Variants in GRIK3 observed in about 807,000 individuals in gnomAD.
GRIK3 encodes the protein glutamate receptor ionotropic, kainate 3.
In GRIK3, 29 loss-of-function variants were observed where a neutral mutation model predicts 102.5. The observed-to-expected ratio is 0.28, with a 90% CI of 0.21 to 0.39. GRIK3 has a LOEUF of 0.39. Among genes scored for constraint, GRIK3 ranks in the 10% least tolerant of loss-of-function variants. The probability of loss-of-function intolerance (pLI) is 1.00; values close to 1 mark genes in which losing one functional copy is unlikely to be tolerated. For missense variants in GRIK3, 908 were observed against 1,252.4 expected (o/e 0.73, Z 4.15); for synonymous variants, 511 against 504.9 (o/e 1.01, Z -0.16).
intron 11 of GRIK3, among the ~76,000 whole-genome samples, chr1:36,821,454 GC>G (rs1204198313): frequency 6.6e-6 from 1 of 152,236 alleles, no homozygotes; most frequent in African/African-American, 2.4e-5. Context: ...GCAGCTCAGT[GC>G]CTGGCTCTGT....
At chr1:36,825,463 C>T (rs192133622) in intron 11 of GRIK3, 140 bp downstream of exon 11, 2 of 538,120 alleles carry the variant, frequency 3.7e-6, no homozygotes, top group African/African-American at 3.9e-5. Flanking sequence ...GGAATCTGAG[C>T]CATAGGGAGT....
intron 13 of GRIK3, among the ~76,000 whole-genome samples, chr1:36,816,560 C>G (rs1191303912): frequency 6.6e-6 from 1 of 152,178 alleles, no homozygotes; most frequent in Non-Finnish European, 1.5e-5. Context: ...ACCAGCATTC[C>G]TAGAGTGTAA....
intron 1 of GRIK3, among the ~76,000 whole-genome samples, chr1:36,986,889 C>G (rs1642312708): frequency 6.6e-6 from 1 of 152,196 alleles, no homozygotes; most frequent in Admixed American, 6.5e-5. Flanking sequence ...AAATTCTCCC[C>G]AGCCACTGAG....
chr1:36,907,140 G>A (rs556077815), intron 1 of GRIK3, among the ~76,000 whole-genome samples: 84 of 152,270 alleles, frequency 5.5e-4, no homozygotes, highest in Non-Finnish European at 8.5e-4. Context: ...GGTGGGCAGC[G>A]TTTATTTCAG....
At chr1:36,870,131 GA>G (rs1436121167) in intron 4 of GRIK3, among the ~76,000 whole-genome samples, 1 of 152,234 alleles carries the variant, frequency 6.6e-6, no homozygotes, top group East Asian at 1.9e-4. Flanking sequence ...CACACTTAGA[GA>G]AATGCTGATG....
At chr1:36,903,079 GC>G (rs1213164866) in intron 1 of GRIK3, among the ~76,000 whole-genome samples, 32 of 152,094 alleles carry the variant, frequency 2.1e-4, no homozygotes, top group Admixed American at 2.1e-3. Flanking sequence ...GAGCCACCAC[GC>G]CCGGCCTGAT....
chr1:36,947,613 C>G lies in GRIK3; in HGVS notation c.116-56517G>C, dbSNP rs761649986. On this transcript the variant is annotated intron_variant, in intron 1 of 15. Transcript: ENST00000373091. ...CTTCCTGGAGTCAGATTTCAGCTTA[C>G]ATGTCATCTTATCAGAGAAGATGTG... Among the ~76,000 whole-genome samples the G allele has an allele frequency of 7.2e-5, 11 of 152,280 alleles. 1 individual carries two copies. The Middle Eastern group carries it at 0.01, about 141-fold the overall frequency.
chr1:36,979,559 C>T (rs753448757), intron 1 of GRIK3, among the ~76,000 whole-genome samples: 21 of 152,236 alleles, frequency 1.4e-4, no homozygotes, highest in Non-Finnish European at 2.5e-4. Context: ...GTATCACATG[C>T]TCCTTAGACA....
In GRIK3 at chr1:36,867,157, C is replaced by G. The variant is rs1250630048; in HGVS notation, c.786+2591G>C. ...AAAATGGACACTGGCCGGGGCTAGT[C>G]TCTGTTCCCTAGAGACTTTAGCACA... On this transcript the variant is annotated intron_variant, in intron 5 of 15. Coordinates refer to ENST00000373091, the MANE Select transcript of GRIK3 (RefSeq NM_000831.4). 2.0e-5 allele frequency among the ~76,000 whole-genome samples: 3 copies of G among 152,170 alleles called. No individual in the cohort carries two copies. In the East Asian group the frequency reaches 5.8e-4, roughly 29 times the overall value.
rs375487250 is a variant in GRIK3 at position 36,813,767 on chromosome 1, G to A, written c.2091+3293C>T. ...TTCAGCGGGGGCGGGGCGGGGGGTG[G>A]TGCTTCTAGCTCATCATCTGAGGTG... On this transcript the variant is annotated intron_variant, in intron 13 of 15. Coordinates refer to ENST00000373091, the MANE Select transcript of GRIK3 (RefSeq NM_000831.4). Among the ~76,000 whole-genome samples the A allele has an allele frequency of 2.1e-3, 306 of 145,832 alleles. 2 individuals are homozygous for A. Among genetic ancestry groups the A allele is most frequent in the African/African-American group, 7.4e-3 (290 of 39,072 alleles).
intron 1 of GRIK3, among the ~76,000 whole-genome samples, chr1:37,031,967 C>T (rs1642832879): frequency 6.6e-6 from 1 of 152,196 alleles, no homozygotes; most frequent in Non-Finnish European, 1.5e-5. Context: ...GCAGGCACAA[C>T]ACCCCAGTCC....
intron 5 of GRIK3, among the ~76,000 whole-genome samples, chr1:36,865,710 G>A (rs551262393): frequency 6.6e-6 from 1 of 152,326 alleles, no homozygotes; most frequent in South Asian, 2.1e-4. Context: ...CAGTCAGCTG[G>A]AACAGCCAAG....
At chr1:37,025,955 ACT>A (rs1224105384) in intron 1 of GRIK3, among the ~76,000 whole-genome samples, 1 of 151,434 alleles carries the variant, frequency 6.6e-6, no homozygotes. Context: ...CACCATGGGG[ACT>A]CTCTCCTCCC....
At chr1:36,879,222 G>T (rs1173302422) in intron 3 of GRIK3, among the ~76,000 whole-genome samples, 2 of 152,144 alleles carry the variant, frequency 1.3e-5, no homozygotes, top group African/African-American at 4.8e-5. Context: ...GGTGTGGTGT[G>T]GTGACTCACA....
chr1:36,804,341 A>G (rs1642474776), intron 15 of GRIK3, among the ~76,000 whole-genome samples: 1 of 152,176 alleles, frequency 6.6e-6, no homozygotes, highest in African/African-American at 2.4e-5. Context: ...TGGCTCCACC[A>G]CAGACCAATT....
chr1:36,885,739 G>A (rs1641030835), intron 2 of GRIK3, among the ~76,000 whole-genome samples: 2 of 152,152 alleles, frequency 1.3e-5, no homozygotes, highest in South Asian at 2.1e-4. Flanking sequence ...AGCAGCAGCA[G>A]CTTTTCTTCC....
At chr1:36,842,129 A>T (rs754614357) in intron 9 of GRIK3, among the ~76,000 whole-genome samples, 190 bp from the exon 10 acceptor site, 3 of 152,148 alleles carry the variant, frequency 2.0e-5, no homozygotes, top group Non-Finnish European at 4.4e-5. Flanking sequence ...GGCCTCATGA[A>T]TGGCTACCTG....
At chr1:36,865,601 C>T (rs898633192) in intron 5 of GRIK3, among the ~76,000 whole-genome samples, 5 of 152,182 alleles carry the variant, frequency 3.3e-5, no homozygotes, top group African/African-American at 7.2e-5. Context: ...TGGGAGACCC[C>T]GCCCCATACT....
At chr1:36,889,833 T>C (rs1417606263) in intron 2 of GRIK3, among the ~76,000 whole-genome samples, 1 of 152,204 alleles carries the variant, frequency 6.6e-6, no homozygotes, top group Non-Finnish European at 1.5e-5. Flanking sequence ...TCTAGCTTTT[T>C]GTGGGTGGTT....
Sources: gnomAD v4.1 joint callset for allele counts (sites outside exome capture counted in the v4.1 genomes callset) on GRCh38, gnomAD v4.1.1 for gene constraint, MANE v1.5 for transcripts, NCBI Gene and HGNC (gene_info 2026-07-23, HGNC 2026-07-21) for gene names.